The following ACO2 variants were observed in gnomAD, a reference collection of about 807,000 sequenced individuals.
ACO2 encodes the protein aconitate hydratase, mitochondrial.
A neutral mutation model predicts 84.5 loss-of-function variants in ACO2; 31 were observed. That is an observed-to-expected ratio of 0.37 (90% CI 0.28 to 0.50). The LOEUF (loss-of-function observed/expected upper bound fraction) is 0.50. ACO2 is among the 20% of genes least tolerant of loss of function. The pLI, the probability that ACO2 is intolerant of heterozygous loss-of-function variation, is 0.97. For synonymous variants in ACO2, 414 were observed against 412.7 expected (o/e 1.00, Z -0.04); for missense variants, 685 against 1,029.3 (o/e 0.67, Z 4.58).
chr22:41,493,696 C>G (rs912872939), intron 1 of ACO2, among the ~76,000 whole-genome samples: 1 of 152,140 alleles, frequency 6.6e-6, no homozygotes, highest in Admixed American at 6.6e-5. Flanking sequence ...AATCCTAGCA[C>G]TTTGGGAGGC....
chr22:41,476,387 A>G (rs942744612), intron 1 of ACO2, among the ~76,000 whole-genome samples: 4 of 150,384 alleles, frequency 2.7e-5, no homozygotes, highest in Non-Finnish European at 4.4e-5. Context: ...AGCCTGGGCA[A>G]CAAGAATGAA....
At chr22:41,499,682 C>T (rs186215187) in intron 1 of ACO2, 44 bp from the exon 2 acceptor site, 110 of 1,601,580 alleles carry the variant, frequency 6.9e-5, no homozygotes, top group Admixed American at 4.4e-4. Context: ...GATGGACTCT[C>T]CTAAGTGCTC....
intron 1 of ACO2, among the ~76,000 whole-genome samples, chr22:41,488,978 G>A (rs140098307): frequency 6.4e-4 from 98 of 152,278 alleles, no homozygotes; most frequent in African/African-American, 2.3e-3. Context: ...GGGCTTAGAA[G>A]CTGAGTTTTT....
In ACO2 at chr22:41,507,815, G is replaced by C; in HGVS notation, c.198G>C (p.Ser66=). 6.2e-7 allele frequency: 1 copy of C among 1,614,102 alleles called. No individual in the cohort carries two copies. Among genetic ancestry groups the C allele is most frequent in the African/African-American group, 1.3e-5 (1 of 75,052 alleles). The part of the protein sequence containing the change: ...RKRLNRPLTL[S]EKIVYGHLDD... The stretch of plus-strand genomic sequence containing the variant: ...GACTGAACCGGCCGCTGACACTCTC[G>C]GAGAAGATTGTGTATGGACACCTGG... The change falls in exon 3 of 18, where the codon TCG becomes TCC. Residue 66 remains serine (S), a synonymous_variant. Coordinates refer to ENST00000216254, the MANE Select transcript of ACO2 (RefSeq NM_001098.3).
At chr22:41,524,715 A>C in intron 12 of ACO2, 131 bp from the exon 13 acceptor site, 1 of 1,416,310 alleles carries the variant, frequency 7.1e-7, no homozygotes, top group Non-Finnish European at 9.7e-7. Flanking sequence ...GCCTCTGAGG[A>C]ACACAGGGGT....
At position 41,469,143 on chromosome 22, in the gene ACO2, C is replaced by T. The variant is rs1249955629; in HGVS notation, c.-4C>T. 9.9e-6 allele frequency: 16 copies of T among 1,608,830 alleles called. No individual in the cohort carries two copies. Among genetic ancestry groups the T allele is most frequent in the Admixed American group, 1.7e-5 (1 of 59,336 alleles). On this transcript the variant is annotated 5_prime_UTR_variant, in exon 1 of 18. Transcript: ENST00000216254. ...ATGCGACCTCATCTTTGTCAGTGCACAAAATGGCGCCCTACAGCCTACTGG... is the reference window on the plus strand; with the variant it reads ...ATGCGACCTCATCTTTGTCAGTGCATAAAATGGCGCCCTACAGCCTACTGG...
chr22:41,524,795 G>A, intron 12 of ACO2, 51 bp from the exon 13 acceptor site: 2 of 1,613,620 alleles, frequency 1.2e-6, no homozygotes, highest in Non-Finnish European at 1.7e-6. Context: ...AGGTGCAGGA[G>A]ACAGGAGTGG....
intron 1 of ACO2, among the ~76,000 whole-genome samples, chr22:41,480,494 G>A (rs139681423): frequency 7.8e-4 from 118 of 152,240 alleles, no homozygotes; most frequent in African/African-American, 2.8e-3. Flanking sequence ...TGGCTGGGGA[G>A]GGAGAAGTAG....
Position 41,508,065 on chromosome 22 carries a change from C to A in ACO2, c.432+16C>A. The A allele has an allele frequency of 6.2e-7, 1 of 1,600,416 alleles. No homozygotes were observed. Among genetic ancestry groups the A allele is most frequent in the Non-Finnish European group, 8.5e-7 (1 of 1,169,668 alleles). On this transcript the variant is annotated intron_variant, in intron 3 of 17. Coordinates refer to ENST00000216254, the MANE Select transcript of ACO2 (RefSeq NM_001098.3). ...CCGGGCCAAGGTGAGCAGAAGGTGG[C>A]TTTGGGGGTGGGCAAGTGGGCAAGA...
At chr22:41,470,528 C>CTTTTTTTTTTTTTTTTTTTT (rs71184811) in intron 1 of ACO2, among the ~76,000 whole-genome samples, 5 of 95,858 alleles carry the variant, frequency 5.2e-5, no homozygotes, top group Admixed American at 2.7e-4. Flanking sequence ...CTCTTTACAT[C>CTTTTTTTTTTTTTTTTTTTT]TTTTTTTTTT....
Position 41,520,152 on chromosome 22 carries a change from T to G in ACO2, c.1033-19T>G. 2.5e-6 allele frequency: 4 copies of G among 1,602,872 alleles called. No homozygotes were observed. Among genetic ancestry groups the G allele is most frequent in the Non-Finnish European group, 2.6e-6 (3 of 1,170,898 alleles). Reference sequence around the variant, plus strand: ...TCTTCCCTCCTCTCTTTCTTCTCCTTGCATGTTTGTTTCTTCAGCTGAAGC... The same window carrying G: ...TCTTCCCTCCTCTCTTTCTTCTCCTGGCATGTTTGTTTCTTCAGCTGAAGC... On this transcript the variant is annotated intron_variant, in intron 8 of 17. Coordinates refer to ENST00000216254, the MANE Select transcript of ACO2 (RefSeq NM_001098.3).
chr22:41,503,285 CT>C (rs1276329885), intron 2 of ACO2, among the ~76,000 whole-genome samples: 1 of 151,180 alleles, frequency 6.6e-6, no homozygotes, highest in Non-Finnish European at 1.5e-5. Flanking sequence ...AGTCCAATAA[CT>C]TTGAACATTT....
intron 1 of ACO2, among the ~76,000 whole-genome samples, chr22:41,494,828 G>A (rs534687116): frequency 6.6e-6 from 1 of 151,788 alleles, no homozygotes; most frequent in South Asian, 2.1e-4. Context: ...CTGCCTCCTG[G>A]GTTCAAGCAA....
Position 41,517,453 on chromosome 22 carries a change from A to G in ACO2, c.836-74A>G, listed in dbSNP as rs2066484389. 6.9e-6 allele frequency: 8 copies of G among 1,167,394 alleles called. No individual in the cohort carries two copies. The Middle Eastern group carries it at 6.2e-4, about 90-fold the overall frequency. The allele number at this position is 1,167,394 out of a possible 1,614,324, so 72.3% of individuals were successfully genotyped here. A position where few individuals can be genotyped will look rare whatever the true frequency, so the allele number is the denominator to read the frequency against. On this transcript the variant is annotated intron_variant, in intron 6 of 17. Coordinates refer to ENST00000216254, the MANE Select transcript of ACO2 (RefSeq NM_001098.3). ...ATGCAGCTCCCTGGTGTGAAGATGC[A>G]GGTGGCCGCGTAGCAGGTGTGTGGG...
chr22:41,512,525 G>C (rs1421292441), intron 4 of ACO2, among the ~76,000 whole-genome samples: 2 of 152,188 alleles, frequency 1.3e-5, no homozygotes, highest in East Asian at 3.8e-4. Context: ...CCAGGCCTGT[G>C]GGCAGGAGGG....
chr22:41,491,902 C>T (rs902735506), intron 1 of ACO2, among the ~76,000 whole-genome samples: 3 of 152,132 alleles, frequency 2.0e-5, no homozygotes, highest in Non-Finnish European at 2.9e-5. Context: ...TTCTTCAATC[C>T]GAACTACCAC....
chr22:41,471,052 GCT>G (rs1433963028), intron 1 of ACO2, among the ~76,000 whole-genome samples: 2 of 152,008 alleles, frequency 1.3e-5, no homozygotes, highest in East Asian at 3.9e-4. Flanking sequence ...GGAGATCTGG[GCT>G]CTCTTTCCTG....
At position 41,474,562 on chromosome 22, in the gene ACO2, G is replaced by A. The variant is rs1338496869; in HGVS notation, c.36+5380G>A. Reference sequence around the variant, plus strand: ...CCCGCCTCTGCCTCCCAAAGTGCTGGGATTACAGGCGTGAGCCACTGCGCC... The same window carrying A: ...CCCGCCTCTGCCTCCCAAAGTGCTGAGATTACAGGCGTGAGCCACTGCGCC... On this transcript the variant is annotated intron_variant, in intron 1 of 17. Coordinates refer to ENST00000216254, the MANE Select transcript of ACO2 (RefSeq NM_001098.3). 2.0e-5 allele frequency among the ~76,000 whole-genome samples: 3 copies of A among 147,304 alleles called. No homozygotes were observed. The South Asian group carries it at 6.4e-4, about 31-fold the overall frequency.
rs1043027906 is a variant in ACO2 at position 41,515,975 on chromosome 22, C to T, written c.835+58C>T. 1.1e-5 allele frequency: 17 copies of T among 1,577,178 alleles called. No homozygotes were observed. The African/African-American group carries it at 2.2e-4, about 20-fold the overall frequency. On this transcript the variant is annotated intron_variant, in intron 6 of 17. Transcript: ENST00000216254. This position sits in a 1 kb window ranked among gnomAD's most constrained non-coding sequence, Gnocchi z 5.8. ...CCCTGTGCTGGGCCTGATGGGTCTC[C>T]AGTTGGGAGTAGAAGCGGTGAATGG...
Sources: gnomAD v4.1 joint callset for allele counts (sites outside exome capture counted in the v4.1 genomes callset) on GRCh38, gnomAD v4.1.1 for gene constraint, Gnocchi (gnomAD v3.1) non-coding constraint, MANE v1.5 for transcripts, NCBI Gene and HGNC (gene_info 2026-07-23, HGNC 2026-07-21) for gene names.